EYS: variants seen among roughly 807,000 people sequenced by gnomAD.
The protein encoded by EYS is EGF-like photoreceptor maintenance factor.
In EYS, 250 loss-of-function variants were observed where a neutral mutation model predicts 282.1. The observed-to-expected ratio is 0.89, with a 90% CI of 0.80 to 0.98. EYS has a LOEUF of 0.98. EYS is among the 50% of genes least tolerant of loss of function. The pLI, the probability that EYS is intolerant of heterozygous loss-of-function variation, is 0.00. For missense variants in EYS, 4,016 were observed against 3,709.0 expected (o/e 1.08, Z -2.15); for synonymous variants, 1,355 against 1,282.9 (o/e 1.06, Z -1.20).
At chr6:65,602,570 G>A (rs1010207041) in intron 2 of EYS, among the ~76,000 whole-genome samples, 2 of 151,902 alleles carry the variant, frequency 1.3e-5, no homozygotes, top group African/African-American at 4.8e-5. Context: ...TTGGAAGCAA[G>A]AACACATGAA....
At chr6:64,009,178 C>G (rs970043958) in intron 33 of EYS, among the ~76,000 whole-genome samples, 2 of 151,696 alleles carry the variant, frequency 1.3e-5, no homozygotes, top group African/African-American at 4.8e-5. Context: ...ATTCATTTTT[C>G]TTTATTTTTG....
chr6:64,048,971 T>C (rs919071903), intron 33 of EYS, among the ~76,000 whole-genome samples: 2 of 152,176 alleles, frequency 1.3e-5, no homozygotes, highest in South Asian at 4.1e-4. Flanking sequence ...ACCCACTTTA[T>C]CTTTGAAAAT....
At chr6:64,478,181 G>A (rs1391444164) in intron 26 of EYS, among the ~76,000 whole-genome samples, 1 of 151,860 alleles carries the variant, frequency 6.6e-6, no homozygotes, top group East Asian at 1.9e-4. Flanking sequence ...AGGTGTTTAA[G>A]TGCTCTGATT....
At chr6:64,220,814 A>C (rs1369831794) in intron 31 of EYS, among the ~76,000 whole-genome samples, 3 of 152,186 alleles carry the variant, frequency 2.0e-5, no homozygotes, top group African/African-American at 7.2e-5. Flanking sequence ...GATAGGTAGA[A>C]TAGTTCAAAA....
chr6:63,824,572 C>A, intron 36 of EYS, among the ~76,000 whole-genome samples: 1 of 152,192 alleles, frequency 6.6e-6, no homozygotes, highest in East Asian at 1.9e-4. Flanking sequence ...ATTCTGTGAG[C>A]ACCCCAGCTG....
chr6:64,762,644 A>G (rs142458309), intron 22 of EYS, among the ~76,000 whole-genome samples: 195 of 152,198 alleles, frequency 1.3e-3, no homozygotes, highest in African/African-American at 4.2e-3. Flanking sequence ...TTTATGATGT[A>G]TTTTTACATC....
At chr6:64,974,900 T>C (rs996091619) in intron 14 of EYS, among the ~76,000 whole-genome samples, 1 of 151,824 alleles carries the variant, frequency 6.6e-6, no homozygotes, top group African/African-American at 2.4e-5. Flanking sequence ...TCTTGGTGTG[T>C]GCATAAATTT....
intron 26 of EYS, among the ~76,000 whole-genome samples, chr6:64,552,599 T>A (rs1765118284): frequency 6.6e-6 from 1 of 152,122 alleles, no homozygotes; most frequent in South Asian, 2.1e-4. Flanking sequence ...ATGCACTCTT[T>A]CAACTAATTG....
chr6:64,763,870 A>G (rs895490526), intron 22 of EYS, among the ~76,000 whole-genome samples: 31 of 152,190 alleles, frequency 2.0e-4, no homozygotes, highest in Admixed American at 1.3e-4. Context: ...TCCAAAACCC[A>G]GTTGGGCAGT....
intron 2 of EYS, among the ~76,000 whole-genome samples, chr6:65,571,519 A>G (rs1294713668): frequency 6.6e-6 from 1 of 151,958 alleles, no homozygotes; most frequent in Non-Finnish European, 1.5e-5. Context: ...TAGAGTTTCT[A>G]TTATATCTGC....
At chr6:65,049,269 TCATG>T (rs1773196158) in intron 13 of EYS, among the ~76,000 whole-genome samples, 1 of 151,820 alleles carries the variant, frequency 6.6e-6, no homozygotes, top group African/African-American at 2.4e-5. Flanking sequence ...AACTCCAGCT[TCATG>T]TTCTCAGAGT....
chr6:64,433,733 T>C (rs892790319), intron 28 of EYS, among the ~76,000 whole-genome samples: 8 of 152,052 alleles, frequency 5.3e-5, no homozygotes, highest in South Asian at 2.1e-4. Context: ...GTGAAAAATA[T>C]GTATTCTTGG....
chr6:63,967,199 T>A (rs116657772), intron 35 of EYS, among the ~76,000 whole-genome samples: 2,614 of 152,250 alleles, frequency 0.017, 65 homozygotes, highest in African/African-American at 0.053. Flanking sequence ...CATGCTACAC[T>A]AAGGGATAAT....
At chr6:63,967,102 T>G (rs2149780505) in intron 35 of EYS, among the ~76,000 whole-genome samples, 1 of 152,320 alleles carries the variant, frequency 6.6e-6, no homozygotes, top group South Asian at 2.1e-4. Context: ...AAGTGTCACT[T>G]GAACACGAGT....
intron 35 of EYS, among the ~76,000 whole-genome samples, chr6:63,903,487 T>C (rs1355271608): frequency 6.6e-6 from 1 of 152,194 alleles, no homozygotes; most frequent in African/African-American, 2.4e-5. Context: ...TCATTGTTTC[T>C]CTAGTTTATC....
intron 22 of EYS, among the ~76,000 whole-genome samples, chr6:64,743,448 A>G (rs1034546763): frequency 3.3e-5 from 5 of 151,954 alleles, no homozygotes; most frequent in Admixed American, 6.6e-5. Context: ...GAAATAGTAA[A>G]TAATGATTTA....
chr6:64,622,009 A>G (rs1013759915), intron 23 of EYS, among the ~76,000 whole-genome samples: 3 of 152,208 alleles, frequency 2.0e-5, no homozygotes, highest in African/African-American at 7.2e-5. Context: ...TATAAAAAAC[A>G]TCTGAATACC....
chr6:65,300,728 G>A (rs1359422425), intron 11 of EYS: 1 of 152,170 alleles, frequency 6.6e-6, no homozygotes, highest in Non-Finnish European at 1.5e-5. Flanking sequence ...ATTTGTTTAA[G>A]AACTCTCTAA....
intron 33 of EYS, among the ~76,000 whole-genome samples, chr6:64,043,672 A>T (rs548735443): frequency 2.6e-5 from 4 of 152,342 alleles, no homozygotes; most frequent in East Asian, 3.9e-4. Flanking sequence ...ACAGAGAAGA[A>T]GATCCTGGCA....
Sources: allele counts gnomAD v4.1 joint callset (sites outside exome capture counted in the v4.1 genomes callset), GRCh38; gene constraint gnomAD v4.1.1; transcripts MANE v1.5; gene names NCBI Gene and HGNC (gene_info 2026-07-23, HGNC 2026-07-21).